SCFD2: variants seen among roughly 807,000 people sequenced by gnomAD.
SCFD2 encodes sec1 family domain containing 2.
Under a neutral mutation model 58.9 loss-of-function variants are expected in SCFD2, and 54 were observed. The ratio of observed to expected loss-of-function variants is 0.92; its 90% CI spans 0.74 to 1.15. SCFD2 has a LOEUF of 1.15. Among genes scored for constraint, SCFD2 ranks in the 50% most tolerant of loss-of-function variants. The pLI, the probability that SCFD2 is intolerant of heterozygous loss-of-function variation, is 0.00. For synonymous variants in SCFD2, 321 were observed against 335.9 expected (o/e 0.96, Z 0.49); for missense variants, 805 against 836.6 (o/e 0.96, Z 0.47).
chr4:52,945,726 T>C (rs1720407764), intron 5 of SCFD2: 1 of 152,200 alleles, frequency 6.6e-6, no homozygotes, highest in Non-Finnish European at 1.5e-5. Context: ...TTATCAGATA[T>C]TCCTGGACAT....
intron 5 of SCFD2, among the ~76,000 whole-genome samples, chr4:52,987,667 A>G (rs1280126091): frequency 6.6e-6 from 1 of 152,172 alleles, no homozygotes; most frequent in Admixed American, 6.5e-5. Context: ...TAAGTTCTTC[A>G]CTGAACTAAC....
chr4:53,069,896 A>C (rs1333543704), intron 5 of SCFD2, among the ~76,000 whole-genome samples: 3 of 152,086 alleles, frequency 2.0e-5, no homozygotes, highest in African/African-American at 7.2e-5. Flanking sequence ...TTAATAATAT[A>C]CATATACATC....
intron 4 of SCFD2, among the ~76,000 whole-genome samples, chr4:53,150,475 T>C (rs965976543): frequency 4.6e-5 from 7 of 152,228 alleles, no homozygotes; most frequent in African/African-American, 1.4e-4. Context: ...TGAATGTTTA[T>C]ACATTTTCTG....
intron 7 of SCFD2, among the ~76,000 whole-genome samples, chr4:52,903,374 G>A (rs943296605): frequency 6.6e-6 from 1 of 152,154 alleles, no homozygotes; most frequent in Non-Finnish European, 1.5e-5. Context: ...GAGGGTCAGG[G>A]CCTCCTTTGA....
intron 2 of SCFD2, among the ~76,000 whole-genome samples, chr4:53,333,511 A>G (rs1218461033): frequency 2.6e-5 from 4 of 151,208 alleles, no homozygotes; most frequent in Admixed American, 2.6e-4. Context: ...AGGATTCCCT[A>G]TTAAATAAAT....
At chr4:53,283,559 T>C (rs1318259191) in intron 3 of SCFD2, among the ~76,000 whole-genome samples, 3 of 152,056 alleles carry the variant, frequency 2.0e-5, no homozygotes, top group African/African-American at 7.2e-5. Flanking sequence ...CTCACACATT[T>C]TACATTTGTT....
chr4:53,282,338 C>T (rs1350072356), intron 3 of SCFD2, among the ~76,000 whole-genome samples: 1 of 152,034 alleles, frequency 6.6e-6, no homozygotes, highest in Non-Finnish European at 1.5e-5. Flanking sequence ...TGATCTTCTA[C>T]ACTTCTTTCT....
At chr4:52,961,971 C>G (rs994089947) in intron 5 of SCFD2, among the ~76,000 whole-genome samples, 1 of 152,102 alleles carries the variant, frequency 6.6e-6, no homozygotes, top group Non-Finnish European at 1.5e-5. Flanking sequence ...AAGAACTGAC[C>G]CCACGTTGGT....
chr4:53,182,308 T>A (rs1390667868), intron 4 of SCFD2, among the ~76,000 whole-genome samples: 1 of 152,112 alleles, frequency 6.6e-6, no homozygotes, highest in East Asian at 1.9e-4. Flanking sequence ...AACAGAGATA[T>A]AGACCAATGG....
intron 5 of SCFD2, among the ~76,000 whole-genome samples, chr4:52,988,547 T>C (rs1721549750): frequency 6.6e-6 from 1 of 152,158 alleles, no homozygotes; most frequent in Non-Finnish European, 1.5e-5. Context: ...TTTTCGAATG[T>C]CAAAAAATCA....
At position 52,976,378 on chromosome 4, in the gene SCFD2, G is replaced by T. The variant is rs562860343; in HGVS notation, c.1562-55508C>A. 5.3e-5 allele frequency among the ~76,000 whole-genome samples: 8 copies of T among 152,232 alleles called. No individual in the cohort carries two copies. In the South Asian group the frequency reaches 1.7e-3, roughly 32 times the overall value. The stretch of plus-strand genomic sequence containing the variant: ...CATTTCCCTTGTCTTCCAGAGTGAA[G>T]CAGAAAATTATTTCCTCTTTTAAAG... On this transcript the variant is annotated intron_variant, in intron 5 of 8. Coordinates refer to ENST00000401642, the MANE Select transcript of SCFD2 (RefSeq NM_152540.4).
intron 5 of SCFD2, among the ~76,000 whole-genome samples, chr4:53,086,643 A>G (rs1724313155): frequency 6.6e-6 from 1 of 152,232 alleles, no homozygotes; most frequent in African/African-American, 2.4e-5. Flanking sequence ...ATGTCCATCA[A>G]CAGATAACTG....
At chr4:52,967,791 C>T (rs369766214) in intron 5 of SCFD2, among the ~76,000 whole-genome samples, 6 of 152,166 alleles carry the variant, frequency 3.9e-5, no homozygotes, top group East Asian at 1.9e-4. Context: ...TTGTGAGACC[C>T]TTTGTCTACC....
At chr4:53,238,772 G>A (rs1344410130) in intron 4 of SCFD2, among the ~76,000 whole-genome samples, 7 of 146,318 alleles carry the variant, frequency 4.8e-5, no homozygotes, top group Non-Finnish European at 4.5e-5. Context: ...GGGCGGCCGG[G>A]CAGAGACGCT....
chr4:53,147,257 A>G (rs1015347746), intron 4 of SCFD2, among the ~76,000 whole-genome samples: 8 of 152,222 alleles, frequency 5.3e-5, no homozygotes, highest in Non-Finnish European at 8.8e-5. Context: ...AGAAATACCA[A>G]TAGAAACTCT....
chr4:53,169,468 A>C (rs1195293767), intron 4 of SCFD2, among the ~76,000 whole-genome samples: 1 of 152,212 alleles, frequency 6.6e-6, no homozygotes, highest in Non-Finnish European at 1.5e-5. Flanking sequence ...ATGCAGGCTG[A>C]TTCCATAACT....
chr4:53,354,896 C>T (rs1734357631), intron 1 of SCFD2, among the ~76,000 whole-genome samples: 1 of 151,818 alleles, frequency 6.6e-6, no homozygotes, highest in African/African-American at 2.4e-5. Context: ...GCAACTCTCC[C>T]ACCTTAGTTT....
rs188145400 is a variant in SCFD2 at position 53,236,770 on chromosome 4, G to A, written c.1311+37056C>T. Among the ~76,000 whole-genome samples, 598 of 149,820 alleles carry A rather than the reference G, an allele frequency of 4.0e-3. 15 individuals are homozygous for A. Among genetic ancestry groups the A allele is most frequent in the Admixed American group, 0.035 (530 of 15,044 alleles). On this transcript the variant is annotated intron_variant, in intron 4 of 8. Coordinates refer to ENST00000401642, the MANE Select transcript of SCFD2 (RefSeq NM_152540.4). ...ATAATTACAGGGTTATTTTAACTAG[G>A]ATAATCTGTCATGATTTCTAACTAC... is the stretch of plus-strand genomic sequence containing the variant.
At chr4:53,047,332 C>T (rs1723067075) in intron 5 of SCFD2, among the ~76,000 whole-genome samples, 1 of 152,156 alleles carries the variant, frequency 6.6e-6, no homozygotes. Flanking sequence ...CCGTAGTCCC[C>T]AGCTACTTGA....
Sources: gnomAD v4.1 joint callset for allele counts (sites outside exome capture counted in the v4.1 genomes callset) on GRCh38, gnomAD v4.1.1 for gene constraint, MANE v1.5 for transcripts, NCBI Gene and HGNC (gene_info 2026-07-23, HGNC 2026-07-21) for gene names.